NEBL: variants seen among roughly 807,000 people sequenced by gnomAD.
NEBL encodes LIM and SH3 protein 2.
A neutral mutation model predicts 140.2 loss-of-function variants in NEBL; 122 were observed. The observed-to-expected ratio is 0.87, with a 90% CI of 0.75 to 1.01. NEBL has a LOEUF of 1.01. NEBL is among the 50% of genes least tolerant of loss of function. The probability of loss-of-function intolerance (pLI) is 0.00; values close to 1 mark genes in which losing one functional copy is unlikely to be tolerated. For synonymous variants in NEBL, 436 were observed against 398.9 expected (o/e 1.09, Z -1.11); for missense variants, 1,365 against 1,231.3 (o/e 1.11, Z -1.62).
intron 3 of NEBL, among the ~76,000 whole-genome samples, chr10:20,996,431 T>G (rs1318599928): frequency 6.6e-6 from 1 of 152,208 alleles, no homozygotes; most frequent in East Asian, 1.9e-4. Context: ...TGTGGTTATT[T>G]CCTGGGTGCC....
chr10:21,009,745 T>C (rs1838263666), intron 3 of NEBL, among the ~76,000 whole-genome samples: 1 of 152,240 alleles, frequency 6.6e-6, no homozygotes, highest in Non-Finnish European at 1.5e-5. Context: ...AGCCTGTTTT[T>C]ATCCTTTTGC....
At chr10:20,864,774 G>A (rs894793866) in intron 7 of NEBL, among the ~76,000 whole-genome samples, 4 of 152,036 alleles carry the variant, frequency 2.6e-5, no homozygotes, top group African/African-American at 9.7e-5. Context: ...AACTAAACTT[G>A]CTGCCCAAAT....
intron 5 of NEBL, 129 bp downstream of exon 5, chr10:20,880,665 T>C: frequency 1.3e-6 from 1 of 751,364 alleles, no homozygotes; most frequent in Non-Finnish European, 2.4e-6. Context: ...TACCTCTGAC[T>C]GATAAGAAAT....
At chr10:21,017,821 CTT>C (rs149030323) in intron 3 of NEBL, among the ~76,000 whole-genome samples, 15 of 140,278 alleles carry the variant, frequency 1.1e-4, no homozygotes, top group South Asian at 2.3e-4. Flanking sequence ...TGATTCTTCT[CTT>C]TTTTTTTTTT....
intron 4 of NEBL, among the ~76,000 whole-genome samples, chr10:20,916,510 G>C (rs1055062281): frequency 6.6e-6 from 1 of 152,098 alleles, no homozygotes; most frequent in African/African-American, 2.4e-5. Context: ...AGGCTCAAGA[G>C]ACTCTCCTAC....
At chr10:21,241,299 A>G (rs1588553922) in intron 3 of NEBL, among the ~76,000 whole-genome samples, 1 of 151,992 alleles carries the variant, frequency 6.6e-6, no homozygotes, top group Admixed American at 6.5e-5. Flanking sequence ...AATAAAAATC[A>G]ATCAAAAGGA....
chr10:20,805,956 C>A (rs1308799033), intron 26 of NEBL, among the ~76,000 whole-genome samples: 1 of 152,108 alleles, frequency 6.6e-6, no homozygotes, highest in South Asian at 2.1e-4. Context: ...GTATGAAATT[C>A]CTCCTTTAAA....
intron 9 of NEBL, among the ~76,000 whole-genome samples, chr10:20,854,666 G>C (rs1489249354): frequency 3.4e-5 from 5 of 145,082 alleles, no homozygotes; most frequent in Admixed American, 7.2e-5. Context: ...CTGGGCTCAA[G>C]CAATCTTCCC....
chr10:21,289,544 C>T (rs1843114393), intron 1 of NEBL, among the ~76,000 whole-genome samples: 1 of 152,140 alleles, frequency 6.6e-6, no homozygotes, highest in African/African-American at 2.4e-5. Context: ...GACGTTGTCC[C>T]TTACTGGTGT....
Position 21,061,453 on chromosome 10 carries a change from T to G in NEBL, c.165-41252A>C, listed in dbSNP as rs1835299730. Among the ~76,000 whole-genome samples, 2 of 148,270 alleles carry G rather than the reference T, an allele frequency of 1.3e-5. 1 individual carries two copies. The highest frequency in any genetic ancestry group is 4.2e-4 in the South Asian group (2 of 4,776). On this transcript the variant is annotated intron_variant, in intron 2 of 6. Coordinates refer to the NEBL transcript ENST00000417816. Reference sequence around the variant, plus strand: ...ATGGTGTATGATATATATCGTATATTACATGATATATGATATATCATATAT... The same window carrying G: ...ATGGTGTATGATATATATCGTATATGACATGATATATGATATATCATATAT...
chr10:20,906,016 T>A (rs1848077547), intron 4 of NEBL, among the ~76,000 whole-genome samples: 1 of 152,214 alleles, frequency 6.6e-6, no homozygotes, highest in Non-Finnish European at 1.5e-5. Flanking sequence ...TTCAGGTTAT[T>A]GTTTGCCCTT....
chr10:21,118,432 A>G (rs1004231762), intron 2 of NEBL, among the ~76,000 whole-genome samples: 6 of 152,120 alleles, frequency 3.9e-5, no homozygotes, highest in African/African-American at 1.4e-4. Context: ...CGCATACTTA[A>G]AAAGAAACCT....
Position 20,814,034 on chromosome 10 carries a change from T to C in NEBL, c.2251A>G (p.Thr751Ala). The C allele has an allele frequency of 6.3e-7, 1 of 1,594,700 alleles. No individual in the cohort carries two copies. Among genetic ancestry groups the C allele is most frequent in the African/African-American group, 1.3e-5 (1 of 74,604 alleles). Residue 751 changes from threonine (T) to alanine (A), a missense_variant, in exon 23 of 28, where the codon ACC becomes GCC. This residue lies in a region of NEBL where 1,323 missense variants were observed against 1,154.8 expected (regional missense o/e 1.15). Coordinates refer to ENST00000377122, the MANE Select transcript of NEBL (RefSeq NM_006393.3). Reference protein sequence around the residue: ...NQENISSVKYTQDHKQMKGRP... With the variant: ...NQENISSVKYAQDHKQMKGRP... Reference sequence around the variant, plus strand: ...CCTTTCATCTGTTTATGGTCCTGGGTATATTTTACCTGCAAAGTAAATAGT... The same window carrying C: ...CCTTTCATCTGTTTATGGTCCTGGGCATATTTTACCTGCAAAGTAAATAGT...
At chr10:21,198,697 A>C (rs1353470245) in intron 3 of NEBL, among the ~76,000 whole-genome samples, 1 of 151,990 alleles carries the variant, frequency 6.6e-6, no homozygotes, top group Non-Finnish European at 1.5e-5. Context: ...TCTTCCATAC[A>C]TACCCCTCCC....
At chr10:21,060,326 G>A (rs1835218040) in intron 2 of NEBL, among the ~76,000 whole-genome samples, 1 of 150,076 alleles carries the variant, frequency 6.7e-6, no homozygotes, top group Non-Finnish European at 1.5e-5. Context: ...AAACAAAAGA[G>A]GGGGTTTCAT....
At chr10:21,242,159 G>A (rs892918985) in intron 3 of NEBL, among the ~76,000 whole-genome samples, 7 of 152,040 alleles carry the variant, frequency 4.6e-5, no homozygotes, top group Non-Finnish European at 8.8e-5. Flanking sequence ...CCAAGATCAC[G>A]CCACCACTGT....
At chr10:20,883,842 T>C (rs1409597627) in intron 4 of NEBL, among the ~76,000 whole-genome samples, 1 of 152,260 alleles carries the variant, frequency 6.6e-6, no homozygotes, top group African/African-American at 2.4e-5. Context: ...TCATTTCATT[T>C]ACAGCCGCTA....
At position 20,888,691 on chromosome 10, in the gene NEBL, T is replaced by C. The variant is rs540320729; in HGVS notation, c.259-484A>G. 8.5e-5 allele frequency among the ~76,000 whole-genome samples: 13 copies of C among 152,320 alleles called. No homozygotes were observed. In the South Asian group the frequency reaches 2.5e-3, roughly 29 times the overall value. On this transcript the variant is annotated intron_variant, in intron 3 of 27. Transcript: ENST00000377122. ...GCCTACCCACCTCTAGCCTGCACTGTCTTTAAGCCATCTCAGTCACTACTC... is the reference window on the plus strand; with the variant it reads ...GCCTACCCACCTCTAGCCTGCACTGCCTTTAAGCCATCTCAGTCACTACTC...
intron 2 of NEBL, among the ~76,000 whole-genome samples, chr10:21,118,177 C>T (rs1297910696): frequency 6.6e-6 from 1 of 152,104 alleles, no homozygotes; most frequent in East Asian, 1.9e-4. Flanking sequence ...TGAAGAAATT[C>T]ATCAAGTTCA....
Sources: gnomAD v4.1 joint callset for allele counts (sites outside exome capture counted in the v4.1 genomes callset) on GRCh38, gnomAD v4.1.1 for gene constraint, gnomAD v4.1.1 regional missense constraint, MANE v1.5 for transcripts, NCBI Gene and HGNC (gene_info 2026-07-23, HGNC 2026-07-21) for gene names.